Variants in ECSCR observed in about 807,000 individuals in gnomAD.
The protein encoded by ECSCR is endothelial cell-specific chemotaxis regulator.
In ECSCR, 12 loss-of-function variants were observed where a neutral mutation model predicts 16.7. The ratio of observed to expected loss-of-function variants is 0.72; its 90% CI spans 0.46 to 1.17. ECSCR has a LOEUF of 1.17. ECSCR is among the 50% of genes most tolerant of loss of function. The pLI, the probability that ECSCR is intolerant of heterozygous loss-of-function variation, is 0.00. For missense variants in ECSCR, 122 were observed against 116.1 expected, an observed-to-expected ratio of 1.05 and a Z score of -0.23; for synonymous variants, 44 against 42.2, an observed-to-expected ratio of 1.04 and a Z score of -0.17.
intron 8 of ECSCR, among the ~76,000 whole-genome samples, chr5:139,451,782 G>T (rs1200196003): frequency 7.0e-6 from 1 of 142,526 alleles, no homozygotes; most frequent in African/African-American, 2.6e-5. Context: ...TATAGTATGG[G>T]TATGAGGGTG....
chr5:139,448,689 A>G lies in ECSCR; in HGVS notation c.*211T>C, dbSNP rs1750961966. On this transcript the variant is annotated 3_prime_UTR_variant, in exon 10 of 10. Transcript: ENST00000618155. ...GGTGGGAGAAGCAGGCAGTATTTCCACAGCAGCTGTCCATACAGGAAAGAG... is the reference window on the plus strand; with the variant it reads ...GGTGGGAGAAGCAGGCAGTATTTCCGCAGCAGCTGTCCATACAGGAAAGAG... The G allele has an allele frequency of 7.2e-7, 1 of 1,385,166 alleles. No homozygotes were observed. Among genetic ancestry groups the G allele is most frequent in the African/African-American group, 1.5e-5 (1 of 68,784 alleles). 85.8% of individuals were successfully genotyped at this position (1,385,166 alleles called of 1,614,324 possible).
Position 139,448,637 on chromosome 5 carries a change from ACCT to A in ECSCR, c.*260_*262del, listed in dbSNP as rs1750959188. The A allele has an allele frequency of 9.8e-7, 1 of 1,016,174 alleles. No individual in the cohort carries two copies. The highest frequency in any genetic ancestry group is 1.6e-5 in the African/African-American group (1 of 61,546). 62.9% of individuals were successfully genotyped at this position (1,016,174 alleles called of 1,614,324 possible). ...TCACTTTCCTTGCTCTCTCTCTGTC[ACCT>A]CCTCTTTCCTGTGGCTCTGAGGAGG... On this transcript the variant is annotated 3_prime_UTR_variant, in exon 10 of 10. Transcript: ENST00000618155.
chr5:139,462,652 T>A lies in ECSCR; in HGVS notation c.19A>T (p.Met7Leu), dbSNP rs1477910729. The change falls in exon 1 of 10, where the codon ATG (methionine) becomes TTG (leucine). Residue 7 changes from methionine to leucine, a missense_variant. Coordinates refer to ENST00000618155, the MANE Select transcript of ECSCR (RefSeq NM_001077693.4). ...CCCAGGATCACCCAGCACAGCTGCATGGCTCCTGCGGTGCCCATGTCAGCT... is the reference window on the plus strand; with the variant it reads ...CCCAGGATCACCCAGCACAGCTGCAAGGCTCCTGCGGTGCCCATGTCAGCT... MGTAGA[M>L]QLCWVILGFL... is the part of the protein sequence containing the mutation. 6.5e-6 allele frequency: 10 copies of A among 1,538,766 alleles called. No individual in the cohort carries two copies. Among genetic ancestry groups the A allele is most frequent in the Non-Finnish European group, 8.8e-6 (10 of 1,136,270 alleles).
chr5:139,458,310 AT>A, intron 1 of ECSCR, 127 bp from the exon 2 acceptor site: 2 of 883,438 alleles, frequency 2.3e-6, no homozygotes, highest in Middle Eastern at 3.6e-4. Flanking sequence ...CTAAAAAAAA[AT>A]TTTGTTTTGT....
intron 8 of ECSCR, among the ~76,000 whole-genome samples, chr5:139,454,149 G>A (rs1223588984): frequency 1.4e-5 from 2 of 141,556 alleles, no homozygotes; most frequent in African/African-American, 5.3e-5. Context: ...TGAGTGGGGT[G>A]TGTGTGTGTG....
chr5:139,458,324 TG>T (rs1247116441), intron 1 of ECSCR, 141 bp from the exon 2 acceptor site: 78 of 755,514 alleles, frequency 1.0e-4, no homozygotes, highest in African/African-American at 2.0e-4. Context: ...TGTTTTGTTT[TG>T]TTTTTTTTTT....
Position 139,455,792 on chromosome 5 carries a change from C to T in ECSCR, c.263-356G>A, listed in dbSNP as rs1483808936. On this transcript the variant is annotated intron_variant, in intron 5 of 9. Coordinates refer to ENST00000618155, the MANE Select transcript of ECSCR (RefSeq NM_001077693.4). ...AGGAGTTTGAGACCAGCCTGACCAA[C>T]ATGGTGAAACCCCATCTCTCCTAAA... Among the ~76,000 whole-genome samples the T allele has an allele frequency of 3.5e-5, 4 of 113,318 alleles. No homozygotes were observed. The Admixed American group carries it at 3.6e-4, about 10-fold the overall frequency. The allele number at this position is 113,318 out of a possible 152,430, so 74.3% of individuals were successfully genotyped here.
Position 139,455,441 on chromosome 5 carries a change from A to G in ECSCR, c.263-5T>C, listed in dbSNP as rs1751135694. ...GGGGAACAGTTTGAAATGTGTCTAA[A>G]ATGGAGTGGAGTCAGGGGCATCAGC... On this transcript the variant is annotated splice_region_variant and splice_polypyrimidine_tract_variant and intron_variant, in intron 5 of 9. Transcript: ENST00000618155. The G allele has an allele frequency of 5.0e-6, 2 of 398,136 alleles. No homozygotes were observed. Among genetic ancestry groups the G allele is most frequent in the African/African-American group, 2.1e-5 (1 of 48,688 alleles). The allele number at this position is 398,136 out of a possible 1,614,324, so 24.7% of individuals were successfully genotyped here.
At chr5:139,460,549 T>C (rs745459932) in intron 1 of ECSCR, among the ~76,000 whole-genome samples, 1 of 152,188 alleles carries the variant, frequency 6.6e-6, no homozygotes, top group Non-Finnish European at 1.5e-5. Flanking sequence ...ATTCAGTGGC[T>C]TGGGAGGAGT....
At chr5:139,457,683 C>T in intron 3 of ECSCR, 74 bp downstream of exon 3, 2 of 1,560,962 alleles carry the variant, frequency 1.3e-6, no homozygotes, top group South Asian at 1.1e-5. Flanking sequence ...ACCCAAGAAC[C>T]CCTGGGCTCC....
chr5:139,456,618 T>C (rs897250960), intron 4 of ECSCR, 100 bp from the exon 5 acceptor site: 1 of 396,678 alleles, frequency 2.5e-6, no homozygotes, highest in Non-Finnish European at 4.4e-6. Flanking sequence ...GAGAGGACTC[T>C]AGCTCTTTCT....
chr5:139,457,799 C>A lies in ECSCR; in HGVS notation c.115G>T (p.Gly39Cys), dbSNP rs763863068. ...TQTSSSQGGL[G>C]GLSLTTEPVS... The stretch of plus-strand genomic sequence containing the variant: ...GGCTCTGTGGTCAGACTTAGACCGC[C>A]AAGGCCTCCTGAAACAGAACATCTG... Residue 39 changes from glycine to cysteine, a missense_variant, in exon 3 of 10, where the codon GGC becomes TGC. Coordinates refer to ENST00000618155, the MANE Select transcript of ECSCR (RefSeq NM_001077693.4). The A allele has an allele frequency of 2.5e-5, 40 of 1,609,354 alleles. No homozygotes were observed. The highest frequency in any genetic ancestry group is 3.2e-5 in the Non-Finnish European group (38 of 1,177,838).
At chr5:139,461,208 T>C (rs947697043) in intron 1 of ECSCR, among the ~76,000 whole-genome samples, 1 of 152,118 alleles carries the variant, frequency 6.6e-6, no homozygotes, top group Non-Finnish European at 1.5e-5. Context: ...TCGCAAGTTG[T>C]TGTGAAGGAA....
At position 139,449,093 on chromosome 5, in the gene ECSCR, AC is replaced by A; in HGVS notation, c.593del (p.Ser198IlefsTer16). 2 of 1,537,088 alleles carry A rather than the reference AC, an allele frequency of 1.3e-6. No homozygotes were observed. The highest frequency in any genetic ancestry group is 1.7e-6 in the Non-Finnish European group (2 of 1,146,832). On this transcript the variant is annotated frameshift_variant, in exon 9 of 10. Transcript: ENST00000618155. ...KNINMNNGKQ[S>X]LSAEKVL is the part of the protein sequence containing the mutation. ...AAAAATGTACCTTCTCTGCTGAGAG[AC>A]TTTGTTTGCCATTATTCATGTTGAT...
At chr5:139,458,686 A>C (rs1346111426) in intron 1 of ECSCR, among the ~76,000 whole-genome samples, 1 of 151,374 alleles carries the variant, frequency 6.6e-6, no homozygotes, top group Non-Finnish European at 1.5e-5. Flanking sequence ...GCCTCTATTA[A>C]AAATACAAAA....
In ECSCR at chr5:139,458,125, G is replaced by A. The variant is rs957624544; in HGVS notation, c.106+14C>T. On this transcript the variant is annotated intron_variant, in intron 2 of 9. Transcript: ENST00000618155. The stretch of plus-strand genomic sequence containing the variant: ...GGCCTACACGCTGGAGTAGACCCAT[G>A]TGTTTGGTCTTACCCTGAGAGCTAG... 3 of 1,549,008 alleles carry A rather than the reference G, an allele frequency of 1.9e-6. No individual in the cohort carries two copies. The African/African-American group carries it at 4.1e-5, about 21-fold the overall frequency.
intron 8 of ECSCR, 31 bp from the exon 9 acceptor site, chr5:139,449,205 G>C (rs1320426152): frequency 1.3e-6 from 2 of 1,495,790 alleles, no homozygotes; most frequent in Non-Finnish European, 9.0e-7. Flanking sequence ...GGGTTAAAGA[G>C]AGGAGGAGGG....
At chr5:139,459,890 A>T (rs756051243) in intron 1 of ECSCR, among the ~76,000 whole-genome samples, 10 of 152,192 alleles carry the variant, frequency 6.6e-5, no homozygotes, top group Non-Finnish European at 1.0e-4. Flanking sequence ...GTGTAGAATT[A>T]ATTGCTTCCA....
At chr5:139,459,267 A>T (rs1751240320) in intron 1 of ECSCR, among the ~76,000 whole-genome samples, 1 of 152,028 alleles carries the variant, frequency 6.6e-6, no homozygotes, top group Non-Finnish European at 1.5e-5. Flanking sequence ...TGAGATGGGG[A>T]TGGGGATTAG....
Sources: allele counts gnomAD v4.1 joint callset (sites outside exome capture counted in the v4.1 genomes callset), GRCh38; gene constraint gnomAD v4.1.1; transcripts MANE v1.5; gene names NCBI Gene and HGNC (gene_info 2026-07-23, HGNC 2026-07-21).